The following PDIA5 variants were observed in gnomAD, a reference collection of about 807,000 sequenced individuals.
PDIA5 encodes protein disulfide isomerase family A member 5, also known as protein disulfide-isomerase A5.
PDIA5 carries 58 observed loss-of-function variants against 77.6 expected under a neutral mutation model. The observed-to-expected ratio is 0.75, with a 90% CI of 0.61 to 0.93. The LOEUF (loss-of-function observed/expected upper bound fraction) is 0.93, where lower values mean the gene tolerates loss of function less well. Among genes scored for constraint, PDIA5 ranks in the 40% least tolerant of loss-of-function variants. The pLI is 0.00. For missense variants in PDIA5, 630 were observed against 647.7 expected, an observed-to-expected ratio of 0.97 and a Z score of 0.30; for synonymous variants, 250 against 252.1, an observed-to-expected ratio of 0.99 and a Z score of 0.08.
At chr3:123,113,163 A>G (rs1560524687) in intron 7 of PDIA5, among the ~76,000 whole-genome samples, 1 of 152,166 alleles carries the variant, frequency 6.6e-6, no homozygotes, top group Non-Finnish European at 1.5e-5. Context: ...CCTTTGGTAT[A>G]TCTTAAAGCC....
chr3:123,074,038 A>G (rs1576430586), intron 1 of PDIA5, among the ~76,000 whole-genome samples: 1 of 152,214 alleles, frequency 6.6e-6, no homozygotes, highest in East Asian at 1.9e-4. Context: ...CACAGGGTCT[A>G]GTCTTACTGG....
intron 11 of PDIA5, among the ~76,000 whole-genome samples, chr3:123,132,609 T>C (rs1340861369): frequency 6.6e-6 from 1 of 152,140 alleles, no homozygotes; most frequent in Non-Finnish European, 1.5e-5. Context: ...GTAAAGGTAC[T>C]CAAAAAAGTG....
chr3:123,096,241 C>T (rs1242690989), intron 3 of PDIA5, among the ~76,000 whole-genome samples: 1 of 152,152 alleles, frequency 6.6e-6, no homozygotes, highest in East Asian at 1.9e-4. Context: ...CTCTGTTGCC[C>T]AGGCTGCAGT....
intron 1 of PDIA5, among the ~76,000 whole-genome samples, chr3:123,087,753 A>G (rs956273587): frequency 1.1e-4 from 17 of 152,310 alleles, no homozygotes; most frequent in Admixed American, 7.2e-4. Context: ...AGAGCAAGGC[A>G]CTAGCACATT....
At chr3:123,067,800 A>T (rs1316348184) in intron 1 of PDIA5, among the ~76,000 whole-genome samples, 1 of 152,164 alleles carries the variant, frequency 6.6e-6, no homozygotes, top group Non-Finnish European at 1.5e-5. Context: ...AGCCTCAGCC[A>T]CTTTCTAGCT....
chr3:123,145,379 AT>A lies in PDIA5; in HGVS notation c.911-140del, dbSNP rs1935742925. 4.8e-6 allele frequency: 3 copies of A among 622,168 alleles called. No individual in the cohort carries two copies. In the South Asian group the frequency reaches 6.2e-5, roughly 13 times the overall value. The allele number at this position is 622,168 out of a possible 1,614,324, so 38.5% of individuals were successfully genotyped here. A position where few individuals can be genotyped will look rare whatever the true frequency, so the allele number is the denominator to read the frequency against. ...CCACTTCTGGTGGATTATGCAAAAT[AT>A]TTCTTTTCTTTGAGCTGGTGCTGCT... On this transcript the variant is annotated intron_variant, in intron 11 of 16. Transcript: ENST00000316218.
Position 123,143,061 on chromosome 3 carries a change from TAAAA to T in PDIA5, c.911-2455_911-2452del, listed in dbSNP as rs367959265. Among the ~76,000 whole-genome samples, 1,273 of 150,742 alleles carry T rather than the reference TAAAA, an allele frequency of 8.4e-3. 25 individuals carry two copies. The highest frequency in any genetic ancestry group is 0.028 in the African/African-American group (1,160 of 41,108). On this transcript the variant is annotated intron_variant, in intron 11 of 16. Transcript: ENST00000316218. ...TTTTGCTTCATGGGGAGGTACAAGG[TAAAA>T]AAAAACCTCAGGTCCCACCTTTAGA...
intron 6 of PDIA5, 64 bp downstream of exon 6, chr3:123,106,905 G>A (rs1934748947): frequency 9.1e-7 from 1 of 1,093,104 alleles, no homozygotes; most frequent in Non-Finnish European, 1.4e-6. Context: ...GGCCTCCCAA[G>A]GAAAGGAGCC....
At chr3:123,089,371 A>G (rs1934229325) in intron 2 of PDIA5, 77 bp downstream of exon 2, 2 of 1,468,550 alleles carry the variant, frequency 1.4e-6, no homozygotes, top group Admixed American at 1.8e-5. Flanking sequence ...GAGGCAGGAG[A>G]CGTTAGGATG....
chr3:123,102,563 C>G (rs1289127464), intron 4 of PDIA5, 69 bp downstream of exon 4: 2 of 1,230,562 alleles, frequency 1.6e-6, no homozygotes, highest in African/African-American at 3.0e-5. Context: ...TTTCAGCGAA[C>G]AGCAATTTTT....
At chr3:123,079,533 C>T (rs949892174) in intron 1 of PDIA5, among the ~76,000 whole-genome samples, 3 of 152,124 alleles carry the variant, frequency 2.0e-5, no homozygotes, top group Non-Finnish European at 4.4e-5. Context: ...ATCTAAATGG[C>T]TTATTCTTCT....
intron 15 of PDIA5, among the ~76,000 whole-genome samples, chr3:123,157,282 C>A (rs1166328945): frequency 6.6e-6 from 1 of 152,196 alleles, no homozygotes; most frequent in Admixed American, 6.5e-5. Context: ...TACTGGTGCC[C>A]ACTCTGTGCT....
At chr3:123,111,863 TTTCTG>T (rs1934869972) in intron 7 of PDIA5, among the ~76,000 whole-genome samples, 1 of 152,220 alleles carries the variant, frequency 6.6e-6, no homozygotes, top group Non-Finnish European at 1.5e-5. Flanking sequence ...TGCCCACTAT[TTTCTG>T]TTCTGTTTTT....
intron 13 of PDIA5, 46 bp downstream of exon 13, chr3:123,146,305 G>A (rs372708983): frequency 7.8e-5 from 120 of 1,545,050 alleles, no homozygotes; most frequent in Non-Finnish European, 9.7e-5. Context: ...CCAGCTGGCG[G>A]CCCCTGGAGA....
chr3:123,096,491 G>A (rs1433449920), intron 3 of PDIA5, among the ~76,000 whole-genome samples: 1 of 152,054 alleles, frequency 6.6e-6, no homozygotes, highest in Non-Finnish European at 1.5e-5. Context: ...GCCTGGCCTG[G>A]CCTTCTTTTG....
intron 6 of PDIA5, 84 bp from the exon 7 acceptor site, chr3:123,110,860 C>T: frequency 3.7e-6 from 4 of 1,087,230 alleles, no homozygotes; most frequent in Non-Finnish European, 5.7e-6. Context: ...CTTCACCCTG[C>T]TGTATGCAGG....
chr3:123,077,178 C>T (rs2107906777), intron 1 of PDIA5, among the ~76,000 whole-genome samples: 1 of 152,334 alleles, frequency 6.6e-6, no homozygotes, highest in East Asian at 1.9e-4. Context: ...GTCTGAATCA[C>T]AGCTCTCTTA....
At chr3:123,140,546 G>A (rs1935602156) in intron 11 of PDIA5, among the ~76,000 whole-genome samples, 1 of 152,136 alleles carries the variant, frequency 6.6e-6, no homozygotes, top group Non-Finnish European at 1.5e-5. Flanking sequence ...CTCAAAGCAG[G>A]GGCCAGAACA....
intron 14 of PDIA5, among the ~76,000 whole-genome samples, chr3:123,151,364 G>T (rs778024666): frequency 6.6e-6 from 1 of 152,400 alleles, no homozygotes; most frequent in East Asian, 1.9e-4. Context: ...GCATTAGGGG[G>T]TGGAGGACTG....
Sources: gnomAD v4.1 joint callset for allele counts (sites outside exome capture counted in the v4.1 genomes callset) on GRCh38, gnomAD v4.1.1 for gene constraint, MANE v1.5 for transcripts, NCBI Gene and HGNC (gene_info 2026-07-23, HGNC 2026-07-21) for gene names.